The following NAA16 variants were observed in gnomAD, a reference collection of about 807,000 sequenced individuals.
The protein encoded by NAA16 is N-alpha-acetyltransferase 16, NatA auxiliary subunit.
A neutral mutation model predicts 110.3 loss-of-function variants in NAA16; 97 were observed. The observed-to-expected ratio is 0.88, with a 90% CI of 0.75 to 1.04. The LOEUF (loss-of-function observed/expected upper bound fraction) is 1.04. Ranked by LOEUF, NAA16 falls within the 50% of genes least tolerant of loss-of-function variation. NAA16 has a pLI of 0.00. For synonymous variants in NAA16, 372 were observed against 330.6 expected (o/e 1.13, Z -1.36); for missense variants, 1,017 against 1,005.1 (o/e 1.01, Z -0.16).
Position 41,328,590 on chromosome 13 carries a change from C to A in NAA16, c.692-134C>A, listed in dbSNP as rs8002474. On this transcript the variant is annotated intron_variant, in intron 6 of 19. Coordinates refer to ENST00000379406, the MANE Select transcript of NAA16 (RefSeq NM_024561.5). The stretch of plus-strand genomic sequence containing the variant: ...AAGCTATGCTTAGTTACATGAACTG[C>A]AACATGCCCAAAGGGGAAGCATACA... 2.1e-3 allele frequency: 1,456 copies of A among 685,668 alleles called. 21 individuals carry two copies. In the African/African-American group the frequency reaches 0.024, roughly 11 times the overall value. 42.5% of individuals were successfully genotyped at this position (685,668 alleles called of 1,614,324 possible).
chr13:41,353,768 T>TAC (rs58020530), intron 9 of NAA16, among the ~76,000 whole-genome samples: 2,122 of 146,728 alleles, frequency 0.014, 16 homozygotes, highest in Non-Finnish European at 0.015. Context: ...CCCTGTCTCT[T>TAC]ACACACACAC....
chr13:41,359,315 A>G (rs771949698), intron 12 of NAA16, among the ~76,000 whole-genome samples: 1 of 152,136 alleles, frequency 6.6e-6, no homozygotes, highest in African/African-American at 2.4e-5. Flanking sequence ...ATTCTGTCTT[A>G]CTTTTAACTT....
rs2043367506 is a variant in NAA16 at position 41,373,632 on chromosome 13, T to C, written c.2156-5T>C. 2 of 1,572,900 alleles carry C rather than the reference T, an allele frequency of 1.3e-6. No homozygotes were observed. The highest frequency in any genetic ancestry group is 1.7e-6 in the Non-Finnish European group (2 of 1,167,370). On this transcript the variant is annotated splice_region_variant and splice_polypyrimidine_tract_variant and intron_variant, in intron 17 of 19. Transcript: ENST00000379406. ...CAAAAAATCCAAATGTTTTTGTTTT[T>C]ATAGTGTCTAATCATAGTAATCTTC...
chr13:41,350,500 G>C (rs1593487098), intron 9 of NAA16, among the ~76,000 whole-genome samples: 1 of 151,292 alleles, frequency 6.6e-6, no homozygotes, highest in East Asian at 1.9e-4. Context: ...GTTTCACCGT[G>C]TTAGCCAGGA....
chr13:41,354,507 A>G (rs1407653992), intron 9 of NAA16: 1 of 152,228 alleles, frequency 6.6e-6, no homozygotes, highest in Non-Finnish European at 1.5e-5. Flanking sequence ...TTCTGAAAAT[A>G]AAGATGTCAA....
At chr13:41,314,249 T>C (rs1225256463) in intron 1 of NAA16, among the ~76,000 whole-genome samples, 1 of 152,208 alleles carries the variant, frequency 6.6e-6, no homozygotes, top group Non-Finnish European at 1.5e-5. Flanking sequence ...TGTTAACTAT[T>C]ATTACTGTTA....
rs2041873038 is a variant in NAA16, at chr13:41,318,798, T to C, written c.140-8T>C. 1 of 1,491,904 alleles carries C rather than the reference T, an allele frequency of 6.7e-7. No individual in the cohort carries two copies. The highest frequency in any genetic ancestry group is 9.1e-7 in the Non-Finnish European group (1 of 1,104,136). 92.4% of individuals were successfully genotyped at this position (1,491,904 alleles called of 1,614,324 possible). On this transcript the variant is annotated splice_polypyrimidine_tract_variant and splice_region_variant and intron_variant, in intron 2 of 19. Transcript: ENST00000379406. ...ATTTGTAAATAGAGTTTAAAAATTA[T>C]TTTTCAGAGACTTTGGCTATGAAAG...
At chr13:41,334,800 T>C (rs1472045522) in intron 8 of NAA16, among the ~76,000 whole-genome samples, 1 of 152,206 alleles carries the variant, frequency 6.6e-6, no homozygotes, top group African/African-American at 2.4e-5. Flanking sequence ...GGCAACTAAG[T>C]TTACTTTCCT....
At chr13:41,329,509 T>A (rs1420192896) in intron 7 of NAA16, among the ~76,000 whole-genome samples, 1 of 150,916 alleles carries the variant, frequency 6.6e-6, no homozygotes, top group African/African-American at 2.4e-5. Flanking sequence ...CAGCAGAATT[T>A]TTTTTTTTTT....
At position 41,313,962 on chromosome 13, in the gene NAA16, TTC is replaced by T. The variant is rs553014458; in HGVS notation, c.54+2383_54+2384del. ...ACCTCTGCCTCCCAGATTCAAGCGATTCTCGTGCCTCAGCCTCCTGAGTAGCT... is the reference window on the plus strand; with the variant it reads ...ACCTCTGCCTCCCAGATTCAAGCGATTCGTGCCTCAGCCTCCTGAGTAGCT... On this transcript the variant is annotated intron_variant, in intron 1 of 19. Transcript: ENST00000379406. Among the ~76,000 whole-genome samples, 35 of 151,956 alleles carry T rather than the reference TTC, an allele frequency of 2.3e-4. No homozygotes were observed. The East Asian group carries it at 6.8e-3, about 29-fold the overall frequency.
At chr13:41,320,635 CTG>C (rs746127470) in intron 3 of NAA16, 30 bp from the exon 4 acceptor site, 1 of 1,544,928 alleles carries the variant, frequency 6.5e-7, no homozygotes, top group Non-Finnish European at 8.7e-7. Flanking sequence ...ATTCTAGTGT[CTG>C]TGTATGTCTT....
At chr13:41,373,900 TGTG>T (rs1462724021) in intron 18 of NAA16, 120 bp downstream of exon 18, 8 of 1,382,270 alleles carry the variant, frequency 5.8e-6, no homozygotes, top group Non-Finnish European at 7.5e-6. Context: ...GGGAGAGAAA[TGTG>T]GACAAATTTA....
chr13:41,330,974 A>G (rs1189022048), intron 7 of NAA16, among the ~76,000 whole-genome samples: 1 of 152,076 alleles, frequency 6.6e-6, no homozygotes, highest in Non-Finnish European at 1.5e-5. Context: ...CTAAAGGAAT[A>G]TAGAGAAGTG....
At chr13:41,340,647 GTTTTTTTTTTTTTTTTTTTTTTTTTTT>G (rs754237653) in intron 9 of NAA16, among the ~76,000 whole-genome samples, 22 of 43,538 alleles carry the variant, frequency 5.1e-4, no homozygotes, top group East Asian at 1.4e-3. Context: ...TTTTGAGTGA[GTTTTTTTTTTTTTTTTTTTTTTTTTTT>G]TTTTTTTTTT....
intron 2 of NAA16, among the ~76,000 whole-genome samples, chr13:41,318,446 C>T (rs772065042): frequency 6.6e-6 from 1 of 152,166 alleles, no homozygotes; most frequent in Non-Finnish European, 1.5e-5. Flanking sequence ...AGATGATCCA[C>T]CCGCCTCAGC....
At chr13:41,350,302 T>C (rs993057308) in intron 9 of NAA16, among the ~76,000 whole-genome samples, 2 of 151,448 alleles carry the variant, frequency 1.3e-5, no homozygotes, top group Admixed American at 1.3e-4. Flanking sequence ...GTTTTGTTTT[T>C]TTTTTTTTTG....
chr13:41,364,657 A>G lies in NAA16; in HGVS notation c.1539+2498A>G, dbSNP rs74983391. Among the ~76,000 whole-genome samples the G allele has an allele frequency of 3.6e-3, 540 of 151,790 alleles. 1 individual carries two copies. The highest frequency in any genetic ancestry group is 0.012 in the African/African-American group (490 of 41,380). On this transcript the variant is annotated intron_variant, in intron 13 of 19. Coordinates refer to ENST00000379406, the MANE Select transcript of NAA16 (RefSeq NM_024561.5). ...TAGAATACTGACTTAGATATGAAACAGGGCAACGATACATATATTTCTAAC... is the reference window on the plus strand; with the variant it reads ...TAGAATACTGACTTAGATATGAAACGGGGCAACGATACATATATTTCTAAC...
rs756748977 is a variant in NAA16, at chr13:41,318,809, CTT to C, written c.145_146del (p.Leu49GlyfsTer18). 54 of 1,534,178 alleles carry C rather than the reference CTT, an allele frequency of 3.5e-5. No homozygotes were observed. The highest frequency in any genetic ancestry group is 4.6e-5 in the Non-Finnish European group (52 of 1,140,150). ...GAGTTTAAAAATTATTTTTCAGAGA[CTT>C]TGGCTATGAAAGGATTAACACTGAA... On this transcript the variant is annotated frameshift_variant, in exon 3 of 20. Coordinates refer to ENST00000379406, the MANE Select transcript of NAA16 (RefSeq NM_024561.5). LOFTEE classifies it high-confidence loss of function.
At chr13:41,327,966 A>G (rs2042137206) in intron 6 of NAA16, 1 of 152,126 alleles carries the variant, frequency 6.6e-6, no homozygotes, top group Admixed American at 6.5e-5. Flanking sequence ...ATGAAAGCAG[A>G]AATAGTATGA....
Sources: gnomAD v4.1 joint callset for allele counts (sites outside exome capture counted in the v4.1 genomes callset) on GRCh38, gnomAD v4.1.1 for gene constraint, MANE v1.5 for transcripts, NCBI Gene and HGNC (gene_info 2026-07-23, HGNC 2026-07-21) for gene names.